The following ANKRD28 variants were observed in gnomAD, a reference collection of about 807,000 sequenced individuals.
The protein encoded by ANKRD28 is ankyrin repeat domain 28.
Under a neutral mutation model 126.5 loss-of-function variants are expected in ANKRD28, and 44 were observed. That is an observed-to-expected ratio of 0.35 (90% CI 0.27 to 0.45). The LOEUF is 0.45. Ranked by LOEUF, ANKRD28 falls within the 20% of genes least tolerant of loss-of-function variation. The probability of loss-of-function intolerance (pLI) is 1.00; values close to 1 mark genes in which losing one functional copy is unlikely to be tolerated. For synonymous variants in ANKRD28, 442 were observed against 468.5 expected (o/e 0.94, Z 0.73); for missense variants, 1,110 against 1,316.6 (o/e 0.84, Z 2.43).
chr3:15,852,361 T>C (rs979913676), intron 1 of ANKRD28, among the ~76,000 whole-genome samples: 6 of 152,256 alleles, frequency 3.9e-5, no homozygotes, highest in Non-Finnish European at 7.3e-5. Context: ...TTCTCATCTA[T>C]AACAACTCTT....
intron 1 of ANKRD28, among the ~76,000 whole-genome samples, chr3:15,850,444 T>C (rs1025370429): frequency 1.3e-5 from 2 of 151,646 alleles, no homozygotes; most frequent in Admixed American, 6.6e-5. Context: ...TTGTGGAGAG[T>C]ACTAGCCTGA....
At chr3:15,768,893 G>C (rs537620675) in intron 2 of ANKRD28, among the ~76,000 whole-genome samples, 40 of 152,154 alleles carry the variant, frequency 2.6e-4, no homozygotes, top group African/African-American at 9.6e-4. Context: ...TACCACCCCA[G>C]GAAACAGAAT....
At chr3:15,772,726 G>T (rs1386053091) in intron 2 of ANKRD28, among the ~76,000 whole-genome samples, 1 of 152,038 alleles carries the variant, frequency 6.6e-6, no homozygotes, top group African/African-American at 2.4e-5. Context: ...TCCCTCTGTT[G>T]CCCAGGCTAG....
intron 1 of ANKRD28, among the ~76,000 whole-genome samples, chr3:15,809,439 CA>C (rs2060661109): frequency 6.6e-6 from 1 of 152,210 alleles, no homozygotes; most frequent in South Asian, 2.1e-4. Context: ...GAGTACTACC[CA>C]CCCCTAACAA....
intron 3 of ANKRD28, among the ~76,000 whole-genome samples, chr3:15,755,305 A>G (rs1321710076): frequency 6.6e-6 from 1 of 152,220 alleles, no homozygotes; most frequent in East Asian, 1.9e-4. Context: ...TGTGATTTAC[A>G]ATATAAACAG....
chr3:15,686,309 G>T lies in ANKRD28; in HGVS notation c.1964C>A (p.Ala655Glu). 1 of 1,570,238 alleles carries T rather than the reference G, an allele frequency of 6.4e-7. No homozygotes were observed. The highest frequency in any genetic ancestry group is 8.7e-7 in the Non-Finnish European group (1 of 1,154,664). ...ILKRTPIHAA[A>E]TNGHSECLRL... ...TAAGCATTCTGAATGACCATTTGTTGCTGTAAAGTGAAATTTAAACATTTC... is the reference window on the plus strand; with the variant it reads ...TAAGCATTCTGAATGACCATTTGTTTCTGTAAAGTGAAATTTAAACATTTC... The change falls in exon 19 of 28, where the codon GCA (alanine) becomes GAA (glutamate). Residue 655 changes from alanine to glutamate, a missense_variant and splice_region_variant. By Grantham distance (107) the Ala-to-Glu change is moderately radical. Transcript: ENST00000683139.
At chr3:15,687,978 CT>C (rs1465986230) in intron 18 of ANKRD28, among the ~76,000 whole-genome samples, 1 of 152,158 alleles carries the variant, frequency 6.6e-6, no homozygotes, top group African/African-American at 2.4e-5. Flanking sequence ...CTTATAGATG[CT>C]CTCTATAGAC....
At position 15,804,931 on chromosome 3, in the gene ANKRD28, C is replaced by T. The variant is rs1466538083; in HGVS notation, c.28-9625G>A. Among the ~76,000 whole-genome samples the T allele has an allele frequency of 1.4e-5, 2 of 145,106 alleles. 1 individual carries two copies. Among genetic ancestry groups the T allele is most frequent in the East Asian group, 6.1e-4 (2 of 3,298 alleles). On this transcript the variant is annotated intron_variant, in intron 1 of 27. Transcript: ENST00000399451. ...AGGAAGGAAGGTTTTTATAGACAGG[C>T]AGACTAGTAACATTTTAACACTATA...
intron 14 of ANKRD28, among the ~76,000 whole-genome samples, chr3:15,707,579 C>T (rs1248898686): frequency 6.6e-6 from 1 of 152,092 alleles, no homozygotes; most frequent in Non-Finnish European, 1.5e-5. Flanking sequence ...CATATATCTC[C>T]TCTCTCCCTT....
At chr3:15,859,539 A>T (rs1262043573) in exon 1 of ANKRD28, 5 of 553,276 alleles carry the variant, frequency 9.0e-6, no homozygotes, top group Non-Finnish European at 1.1e-5. Context: ...GACTGCGCTG[A>T]GAAGACCTGC....
rs1251438226 is a variant in ANKRD28 at position 15,845,005 on chromosome 3, A to T, written c.27+14372T>A. Among the ~76,000 whole-genome samples the T allele has an allele frequency of 6.6e-6, 1 of 152,144 alleles. No homozygotes were observed. Among genetic ancestry groups the T allele is most frequent in the Non-Finnish European group, 1.5e-5 (1 of 68,024 alleles). On this transcript the variant is annotated intron_variant, in intron 1 of 27. Coordinates refer to the ANKRD28 transcript ENST00000399451. This position sits in a 1 kb window ranked among gnomAD's most constrained non-coding sequence, Gnocchi z 4.9. Reference sequence around the variant, plus strand: ...CAAAGGAGAAGCAGGCATATCTTACATGGCTGGAGCAGGAGCAAAATGGGG... The same window carrying T: ...CAAAGGAGAAGCAGGCATATCTTACTTGGCTGGAGCAGGAGCAAAATGGGG...
rs79898002 is a variant in ANKRD28 at position 15,710,340 on chromosome 3, A to G, written c.1338-604T>C. On this transcript the variant is annotated intron_variant, in intron 12 of 27. Coordinates refer to ENST00000683139, the MANE Select transcript of ANKRD28 (RefSeq NM_001349278.2). ...CTCAACATCAAATTACTATGTTACA[A>G]TGAAAACTGTAACTGTCAAGTGATC... Among the ~76,000 whole-genome samples the G allele has an allele frequency of 7.1e-3, 1,074 of 152,326 alleles. 8 individuals carry two copies. Among genetic ancestry groups the G allele is most frequent in the Non-Finnish European group, 0.012 (808 of 68,020 alleles).
upstream of ANKRD28, among the ~76,000 whole-genome samples, chr3:15,802,964 C>T (rs78727566): frequency 0.028 from 4,284 of 151,990 alleles, 80 homozygotes; most frequent in South Asian, 0.058. Flanking sequence ...GATAAATTCT[C>T]GAATAAAAAA....
At chr3:15,728,567 T>C (rs535129012) in intron 6 of ANKRD28, among the ~76,000 whole-genome samples, 1 of 152,278 alleles carries the variant, frequency 6.6e-6, no homozygotes, top group East Asian at 1.9e-4. Flanking sequence ...GATGTTAGGA[T>C]TACAGGTGTG....
At chr3:15,811,696 G>A (rs1266066493) in intron 1 of ANKRD28, among the ~76,000 whole-genome samples, 2 of 151,712 alleles carry the variant, frequency 1.3e-5, no homozygotes, top group East Asian at 2.0e-4. Context: ...CTCGTGATCC[G>A]CCCACCTTGG....
intron 4 of ANKRD28, among the ~76,000 whole-genome samples, chr3:15,740,466 G>C (rs1186582966): frequency 1.3e-5 from 2 of 152,206 alleles, no homozygotes; most frequent in African/African-American, 2.4e-5. Flanking sequence ...CAAGATTCCT[G>C]ATCCTCACCT....
rs1575322567 is a variant in ANKRD28, at chr3:15,712,316, T to C, written c.1191-94A>G. The C allele has an allele frequency of 2.9e-6, 3 of 1,020,540 alleles. No homozygotes were observed. In the East Asian group the frequency reaches 7.9e-5, roughly 27 times the overall value. 63.2% of individuals were successfully genotyped at this position (1,020,540 alleles called of 1,614,324 possible). A position where few individuals can be genotyped will look rare whatever the true frequency, so the allele number is the denominator to read the frequency against. On this transcript the variant is annotated intron_variant, in intron 10 of 27. Transcript: ENST00000683139. ...ACAAAGAGACCACTTAAGTGAAAGA[T>C]AACTAAGAGCCAAAATGTCTAACAC... is the stretch of plus-strand genomic sequence containing the variant.
At chr3:15,698,695 A>G (rs1207864891) in intron 14 of ANKRD28, among the ~76,000 whole-genome samples, 1 of 152,200 alleles carries the variant, frequency 6.6e-6, no homozygotes, top group African/African-American at 2.4e-5. Context: ...GATGTGAAGG[A>G]CCTCTTCAGG....
At chr3:15,748,895 AT>A (rs976785899) in intron 4 of ANKRD28, among the ~76,000 whole-genome samples, 9 of 151,796 alleles carry the variant, frequency 5.9e-5, no homozygotes, top group Middle Eastern at 3.4e-3. Flanking sequence ...TTAAAAAAAA[AT>A]TTTTTTTCTT....
Sources: gnomAD v4.1 joint callset for allele counts (sites outside exome capture counted in the v4.1 genomes callset) on GRCh38, gnomAD v4.1.1 for gene constraint, Gnocchi (gnomAD v3.1) non-coding constraint, MANE v1.5 for transcripts, NCBI Gene and HGNC (gene_info 2026-07-23, HGNC 2026-07-21) for gene names.